MYH16: variants seen among roughly 807,000 people sequenced by gnomAD.
MYH16 encodes the protein putative uncharacterized protein MYH16.
chr7:99,249,583 T>G (rs1234000931), intron 4 of MYH16, among the ~76,000 whole-genome samples: 1 of 141,216 alleles, frequency 7.1e-6, no homozygotes, highest in Non-Finnish European at 1.5e-5. Flanking sequence ...TTTTTTTTTT[T>G]TTTTTTTTTT....
rs1355157895 is a variant in MYH16, at chr7:99,283,854, G to A, written n.3080-19G>A. On this transcript the variant is annotated intron_variant and non_coding_transcript_variant, in intron 24 of 41. Transcript: ENST00000439784. ...AGACTCTCCTCGTCTACCTTCTCTT[G>A]CTGTTCTTGTCTCTGTAGCTGGAGG... 2 of 452,764 alleles carry A rather than the reference G, an allele frequency of 4.4e-6. No homozygotes were observed. The highest frequency in any genetic ancestry group is 3.3e-4 in the Middle Eastern group (1 of 3,076). The allele number at this position is 452,764 out of a possible 1,614,324, so 28.0% of individuals were successfully genotyped here.
At chr7:99,276,508 C>T (rs1045580954) in intron 20 of MYH16, among the ~76,000 whole-genome samples, 3 of 152,258 alleles carry the variant, frequency 2.0e-5, no homozygotes, top group Non-Finnish European at 4.4e-5. Context: ...GGTGGTAGGA[C>T]CGGACGGAGC....
rs140703526 is a variant in MYH16, at chr7:99,239,798, C to G, written n.210+760C>G. Among the ~76,000 whole-genome samples the G allele has an allele frequency of 2.6e-5, 4 of 152,270 alleles. No homozygotes were observed. In the East Asian group the frequency reaches 7.7e-4, roughly 29 times the overall value. On this transcript the variant is annotated intron_variant and non_coding_transcript_variant, in intron 1 of 41. Coordinates refer to ENST00000439784, the Ensembl canonical transcript of MYH16. ...ATGCTGTAAATCAGGGACACTTCCC[C>G]CCAGACAGCTGGTTTACCAACCCAC...
At chr7:99,306,564 AC>A (rs1792684635) in intron 41 of MYH16, 44 bp from the exon 23 acceptor site, 1 of 152,474 alleles carries the variant, frequency 6.6e-6, no homozygotes, top group Non-Finnish European at 1.5e-5. Flanking sequence ...CTTAACCAGA[AC>A]CAGCCACGTT....
intron 36 of MYH16, among the ~76,000 whole-genome samples, chr7:99,298,812 A>G (rs1218284398): frequency 1.3e-5 from 2 of 150,636 alleles, no homozygotes; most frequent in East Asian, 3.9e-4. Flanking sequence ...ACATGTGCAC[A>G]TTGTGCAGGT....
chr7:99,281,329 G>A (rs1792196197), intron 23 of MYH16, among the ~76,000 whole-genome samples: 6 of 152,132 alleles, frequency 3.9e-5, no homozygotes, highest in Admixed American at 3.3e-4. Flanking sequence ...GGCTGAGGCA[G>A]GAGGATCCCT....
intron 18 of MYH16, among the ~76,000 whole-genome samples, chr7:99,267,623 A>T (rs1007606347): frequency 6.6e-6 from 1 of 152,214 alleles, no homozygotes; most frequent in Non-Finnish European, 1.5e-5. Context: ...AGCCTGGACA[A>T]TGAAGCACTG....
chr7:99,243,099 T>C (rs367786655), intron 1 of MYH16, among the ~76,000 whole-genome samples: 2 of 152,250 alleles, frequency 1.3e-5, no homozygotes, highest in Admixed American at 6.5e-5. Context: ...TGAAGCTGCA[T>C]TGGCCTCAGA....
At chr7:99,239,949 A>G (rs1040082408) in intron 1 of MYH16, among the ~76,000 whole-genome samples, 2 of 151,982 alleles carry the variant, frequency 1.3e-5, no homozygotes, top group African/African-American at 4.8e-5. Flanking sequence ...TTGGGAGACC[A>G]AGACAGGAGG....
chr7:99,285,236 C>T (rs1792261746), intron 26 of MYH16, 146 bp from the exon 9 acceptor site: 1 of 390,698 alleles, frequency 2.6e-6, no homozygotes, highest in Non-Finnish European at 5.1e-6. Context: ...GGCACCTTTG[C>T]ACTTGCTCTC....
intron 40 of MYH16, 164 bp from the exon 22 acceptor site, chr7:99,305,672 G>A (rs1429404916): frequency 6.5e-6 from 1 of 153,148 alleles, no homozygotes; most frequent in African/African-American, 2.4e-5. Flanking sequence ...CATGTTCCAG[G>A]AGGCTGAGGC....
chr7:99,248,760 A>G (rs1439704178), intron 3 of MYH16, among the ~76,000 whole-genome samples: 3 of 152,166 alleles, frequency 2.0e-5, no homozygotes, highest in Non-Finnish European at 4.4e-5. Flanking sequence ...GGGCTGGTAG[A>G]AAGAGTGGCT....
chr7:99,270,194 G>A (rs944610904), intron 18 of MYH16, among the ~76,000 whole-genome samples: 2 of 152,010 alleles, frequency 1.3e-5, no homozygotes, highest in African/African-American at 4.8e-5. Flanking sequence ...TCAACAGGCA[G>A]GGCATGGTGG....
chr7:99,297,153 C>CTT (rs1792511918), intron 34 of MYH16, among the ~76,000 whole-genome samples: 1 of 152,100 alleles, frequency 6.6e-6, no homozygotes, highest in Non-Finnish European at 1.5e-5. Flanking sequence ...AGGAAATAGC[C>CTT]GGGTGTGATA....
intron 23 of MYH16, 98 bp from the exon 6 acceptor site, chr7:99,283,467 T>A (rs1584351973): frequency 4.7e-6 from 2 of 426,146 alleles, no homozygotes; most frequent in East Asian, 1.4e-4. Flanking sequence ...CCCCAAAGCC[T>A]GGGAGCTGCA....
At chr7:99,294,091 G>A (rs552372898) in exon 33 of MYH16, 8 of 456,258 alleles carry the variant, frequency 1.8e-5, no homozygotes, top group East Asian at 1.4e-4. Context: ...CGCCTCCCTC[G>A]AGAAAAATAA....
At chr7:99,273,318 C>T (rs761264805) in intron 19 of MYH16, 24 bp from the exon 2 acceptor site, 1 of 456,714 alleles carries the variant, frequency 2.2e-6, no homozygotes, top group South Asian at 1.5e-5. Context: ...TTGTAACCCA[C>T]TCAACCCTGG....
intron 39 of MYH16, among the ~76,000 whole-genome samples, chr7:99,303,970 A>G (rs1453580558): frequency 6.6e-6 from 1 of 152,140 alleles, no homozygotes; most frequent in African/African-American, 2.4e-5. Context: ...TCAGCCCAGT[A>G]TCCCTTCGGG....
intron 31 of MYH16, among the ~76,000 whole-genome samples, 183 bp from the exon 13 acceptor site, chr7:99,292,129 A>G (rs999345840): frequency 1.3e-5 from 2 of 152,264 alleles, no homozygotes; most frequent in African/African-American, 4.8e-5. Flanking sequence ...CTTGTGGACA[A>G]TAATAGAAAG....
Sources: gnomAD v4.1 joint callset for allele counts (sites outside exome capture counted in the v4.1 genomes callset) on GRCh38, gnomAD v4.1.1 for gene constraint, MANE v1.5 for transcripts, NCBI Gene and HGNC (gene_info 2026-07-23, HGNC 2026-07-21) for gene names.